PTER: variants seen among roughly 807,000 people sequenced by gnomAD.
PTER encodes N-acetyltaurine hydrolase.
A neutral mutation model predicts 29.6 loss-of-function variants in PTER; 38 were observed. The ratio of observed to expected loss-of-function variants is 1.28; its 90% CI spans 0.99 to 1.68. The LOEUF (loss-of-function observed/expected upper bound fraction) is 1.68, where lower values mean the gene tolerates loss of function less well. PTER is among the 40% of genes most tolerant of loss of function. The pLI, the probability that PTER is intolerant of heterozygous loss-of-function variation, is 0.00. For missense variants in PTER, 482 were observed against 427.8 expected (o/e 1.13, Z -1.12); for synonymous variants, 172 against 154.5 (o/e 1.11, Z -0.84).
intron 3 of PTER, among the ~76,000 whole-genome samples, chr10:16,488,922 C>A (rs554375228): frequency 6.6e-6 from 1 of 152,236 alleles, no homozygotes; most frequent in East Asian, 1.9e-4. Flanking sequence ...CTTTTAATTG[C>A]GTGCTTGGCA....
chr10:16,489,352 T>G (rs927534832), intron 3 of PTER, among the ~76,000 whole-genome samples: 1 of 152,212 alleles, frequency 6.6e-6, no homozygotes, highest in African/African-American at 2.4e-5. Flanking sequence ...AAAAAAATAT[T>G]AAACATACAA....
intron 1 of PTER, among the ~76,000 whole-genome samples, chr10:16,447,636 A>G (rs996005261): frequency 3.3e-5 from 5 of 152,226 alleles, no homozygotes; most frequent in East Asian, 3.8e-4. Flanking sequence ...CCTTTTATCT[A>G]TAAATATGCG....
At chr10:16,464,768 A>G (rs999307137) in intron 1 of PTER, among the ~76,000 whole-genome samples, 1 of 152,192 alleles carries the variant, frequency 6.6e-6, no homozygotes, top group Admixed American at 6.5e-5. Context: ...CACCGATCTC[A>G]CAGGGCACTT....
chr10:16,470,708 C>A (rs964507676), intron 1 of PTER, among the ~76,000 whole-genome samples: 1 of 152,106 alleles, frequency 6.6e-6, no homozygotes, highest in Non-Finnish European at 1.5e-5. Context: ...GTGGAGGTTG[C>A]AGTGAGCCAA....
At chr10:16,471,465 GA>G (rs112438365) in intron 1 of PTER, among the ~76,000 whole-genome samples, 1,900 of 151,676 alleles carry the variant, frequency 0.013, 26 homozygotes, top group African/African-American at 0.043. Flanking sequence ...TGTAATGAAG[GA>G]AAAAAAATGG....
chr10:16,439,750 G>C (rs1401396059), intron 1 of PTER, among the ~76,000 whole-genome samples: 2 of 152,060 alleles, frequency 1.3e-5, no homozygotes, highest in Non-Finnish European at 2.9e-5. Context: ...TTGTAGAGAT[G>C]GGGGGTCTTG....
chr10:16,474,432 G>A (rs1301413053), intron 1 of PTER, among the ~76,000 whole-genome samples: 1 of 152,040 alleles, frequency 6.6e-6, no homozygotes, highest in Middle Eastern at 3.2e-3. Context: ...TTATAATGAT[G>A]ACTTATTTTG....
rs746148665 is a variant in PTER at position 16,484,638 on chromosome 10, T to C, written c.254T>C (p.Leu85Ser). Residue 85 changes from leucine to serine, a missense_variant, in exon 2 of 5, where the codon TTG (leucine) becomes TCG (serine). Transcript: ENST00000535784. ...ACAGAAGCCATAAAGGAAGAACTGT[T>C]GTATTTTAAAGCTAATGGTGGAGGG... The part of the protein sequence containing the change: ...QETEAIKEEL[L>S]YFKANGGGAL... 1 of 1,614,186 alleles carries C rather than the reference T, an allele frequency of 6.2e-7. No homozygotes were observed.
intron 1 of PTER, among the ~76,000 whole-genome samples, chr10:16,451,051 G>C (rs755057196): frequency 3.3e-5 from 5 of 152,158 alleles, no homozygotes; most frequent in African/African-American, 7.2e-5. Flanking sequence ...TTAAAATTCT[G>C]TCTGTGACCA....
chr10:16,509,589 G>A (rs1450035803), intron 4 of PTER, among the ~76,000 whole-genome samples: 1 of 152,196 alleles, frequency 6.6e-6, no homozygotes, highest in African/African-American at 2.4e-5. Context: ...CTTTGCAGTT[G>A]TGGATCAAGG....
intron 1 of PTER, among the ~76,000 whole-genome samples, chr10:16,479,539 T>C (rs1248539217): frequency 6.6e-6 from 1 of 151,960 alleles, no homozygotes; most frequent in Non-Finnish European, 1.5e-5. Flanking sequence ...CAAATGTCAG[T>C]GTTAAGTGCA....
chr10:16,501,295 T>C (rs1002891681), intron 3 of PTER, among the ~76,000 whole-genome samples: 13 of 150,780 alleles, frequency 8.6e-5, no homozygotes, highest in African/African-American at 3.2e-4. Context: ...GAGGGGGTCA[T>C]ATCACTATAT....
chr10:16,451,970 T>C (rs185593237), intron 1 of PTER, among the ~76,000 whole-genome samples: 1 of 152,312 alleles, frequency 6.6e-6, no homozygotes, highest in Admixed American at 6.5e-5. Flanking sequence ...GTGTTGGCTA[T>C]GCCTGTGTAC....
Position 16,484,772 on chromosome 10 carries a change from G to T in PTER, c.388G>T (p.Asp130Tyr). The T allele has an allele frequency of 6.2e-7, 1 of 1,613,190 alleles. No individual in the cohort carries two copies. Among genetic ancestry groups the T allele is most frequent in the South Asian group, 1.1e-5 (1 of 90,842 alleles). ...CATATCTGGAGCCGGGTTTTATGTG[G>T]ATGCAACTCACTCCTCAGAGACCAG... ...HIISGAGFYV[D>Y]ATHSSETRAM... is the part of the protein sequence containing the mutation. Residue 130 changes from aspartate to tyrosine, a missense_variant, in exon 2 of 5, where the codon GAT becomes TAT. Coordinates refer to ENST00000535784, the MANE Select transcript of PTER (RefSeq NM_001261836.2).
At chr10:16,494,879 AAT>A (rs1435668896) in intron 3 of PTER, among the ~76,000 whole-genome samples, 13 of 152,230 alleles carry the variant, frequency 8.5e-5, no homozygotes, top group Non-Finnish European at 2.9e-5. Flanking sequence ...GCAGTGTAAG[AAT>A]ATACATGAAT....
chr10:16,464,488 C>T (rs547164858), intron 1 of PTER, among the ~76,000 whole-genome samples: 1 of 152,296 alleles, frequency 6.6e-6, no homozygotes, highest in South Asian at 2.1e-4. Flanking sequence ...TTTCCTGACT[C>T]GTCTCCTGGT....
intron 1 of PTER, among the ~76,000 whole-genome samples, chr10:16,456,595 CT>C (rs1192337599): frequency 6.6e-6 from 1 of 152,106 alleles, no homozygotes; most frequent in Non-Finnish European, 1.5e-5. Context: ...TCTGCTTGTT[CT>C]TCTCTTAGCA....
chr10:16,486,448 A>G lies in PTER; in HGVS notation c.529A>G (p.Thr177Ala). Residue 177 changes from threonine (T) to alanine (A), a missense_variant, in exon 3 of 5, where the codon ACT becomes GCT. Physicochemically the swap from Thr to Ala is moderately conservative, Grantham distance 58. Transcript: ENST00000535784. The stretch of plus-strand genomic sequence containing the variant: ...AGAAATTGGTTGCTCCTGGCCTTTG[A>G]CTGAGAGTGAAAGAAAGGTTCTCCA... ...IGEIGCSWPL[T>A]ESERKVLQAT... The G allele has an allele frequency of 1.9e-6, 3 of 1,614,024 alleles. No homozygotes were observed. Among genetic ancestry groups the G allele is most frequent in the Non-Finnish European group, 2.5e-6 (3 of 1,179,948 alleles).
intron 4 of PTER, among the ~76,000 whole-genome samples, chr10:16,505,710 A>G (rs1836534405): frequency 6.6e-6 from 1 of 152,240 alleles, no homozygotes; most frequent in African/African-American, 2.4e-5. Flanking sequence ...TTTGTAATCA[A>G]GTAGAAAATT....
Sources: allele counts gnomAD v4.1 joint callset (sites outside exome capture counted in the v4.1 genomes callset), GRCh38; gene constraint gnomAD v4.1.1; transcripts MANE v1.5; gene names NCBI Gene and HGNC (gene_info 2026-07-23, HGNC 2026-07-21).